The following TXNL4A variants were observed in gnomAD, a reference collection of about 807,000 sequenced individuals.
The protein encoded by TXNL4A is thioredoxin-like protein 4A.
A neutral mutation model predicts 14.6 loss-of-function variants in TXNL4A; 17 were observed. The ratio of observed to expected loss-of-function variants is 1.16; its 90% confidence interval spans 0.80 to 1.74. TXNL4A has a LOEUF of 1.74. Ranked by LOEUF, TXNL4A falls within the 40% of genes most tolerant of loss-of-function variation. The probability of loss-of-function intolerance (pLI) is 0.00; values close to 1 mark genes in which losing one functional copy is unlikely to be tolerated. For synonymous variants in TXNL4A, 83 were observed against 70.6 expected (o/e 1.18, Z -0.88); for missense variants, 74 against 195.2 (o/e 0.38, Z 3.70).
At chr18:80,018,797 T>C (rs2051829375) in intron 1 of TXNL4A, among the ~76,000 whole-genome samples, 2 of 152,216 alleles carry the variant, frequency 1.3e-5, no homozygotes, top group African/African-American at 4.8e-5. Flanking sequence ...TTTTGAATGC[T>C]TTGCTTAGAA....
chr18:80,012,341 G>T (rs2051775588), intron 1 of TXNL4A, among the ~76,000 whole-genome samples: 1 of 152,166 alleles, frequency 6.6e-6, no homozygotes, highest in Admixed American at 6.5e-5. Context: ...TTTGGTATGT[G>T]TGAGAGAATG....
Position 80,011,251 on chromosome 18 carries a change from T to C in TXNL4A, c.-61+22600A>G, listed in dbSNP as rs2051768010. ...AAGACTCGAATTTATTAAAAAGGGA[T>C]TGTAGCCAACTGGGACGGGAGTTTG... On this transcript the variant is annotated intron_variant, in intron 1 of 2. Transcript: ENST00000585474. This position sits in a 1 kb window ranked among gnomAD's most constrained non-coding sequence, Gnocchi z 4.1. Among the ~76,000 whole-genome samples, 1 of 152,156 alleles carries C rather than the reference T, an allele frequency of 6.6e-6. No individual in the cohort carries two copies. The highest frequency in any genetic ancestry group is 1.5e-5 in the Non-Finnish European group (1 of 68,024).
chr18:80,000,121 T>G (rs1173186270), intron 1 of TXNL4A, among the ~76,000 whole-genome samples: 2 of 152,112 alleles, frequency 1.3e-5, no homozygotes, highest in Non-Finnish European at 2.9e-5. Flanking sequence ...TGTGGTGGTG[T>G]TGTAAAGATA....
intron 1 of TXNL4A, among the ~76,000 whole-genome samples, chr18:80,010,515 G>A (rs770068875): frequency 8.5e-5 from 13 of 152,164 alleles, no homozygotes; most frequent in South Asian, 2.1e-4. Flanking sequence ...GAGGGCAGAC[G>A]TACAGTCCAA....
intron 1 of TXNL4A, 109 bp from the exon 2 acceptor site, chr18:79,977,810 T>C: frequency 1.4e-6 from 1 of 719,098 alleles, no homozygotes. Flanking sequence ...ATCAGGGCAA[T>C]TTTTGTTTTG....
intron 1 of TXNL4A, chr18:79,994,950 C>A (rs979850683): frequency 6.6e-5 from 10 of 152,248 alleles, no homozygotes; most frequent in Non-Finnish European, 1.0e-4. Context: ...CCTGCCGATT[C>A]TCTGGTATCG....
chr18:80,022,629 T>C (rs2051857362), intron 1 of TXNL4A, among the ~76,000 whole-genome samples: 1 of 152,204 alleles, frequency 6.6e-6, no homozygotes, highest in African/African-American at 2.4e-5. Context: ...TGATTTAGAA[T>C]GCACTCAAGG....
intron 1 of TXNL4A, among the ~76,000 whole-genome samples, chr18:80,024,762 C>G (rs1306425362): frequency 1.3e-5 from 2 of 152,178 alleles, no homozygotes; most frequent in African/African-American, 4.8e-5. Flanking sequence ...ACCCGTCCTG[C>G]AACTTGAGCC....
chr18:80,030,590 C>G (rs923537687), intron 1 of TXNL4A: 2 of 152,186 alleles, frequency 1.3e-5, no homozygotes, highest in Non-Finnish European at 2.9e-5. Flanking sequence ...GGATAGAATA[C>G]CAAAAATTTA....
At chr18:80,027,131 T>C (rs539460302) in intron 1 of TXNL4A, among the ~76,000 whole-genome samples, 2 of 152,228 alleles carry the variant, frequency 1.3e-5, no homozygotes, top group East Asian at 3.9e-4. Flanking sequence ...AGGGAAAATA[T>C]TCTCAGCCAT....
At position 80,019,140 on chromosome 18, in the gene TXNL4A, T is replaced by A. The variant is rs531672009; in HGVS notation, c.-61+14711A>T. Among the ~76,000 whole-genome samples, 4 of 152,322 alleles carry A rather than the reference T, an allele frequency of 2.6e-5. No homozygotes were observed. In the East Asian group the frequency reaches 5.8e-4, roughly 22 times the overall value. On this transcript the variant is annotated intron_variant, in intron 1 of 2. Transcript: ENST00000585474. The stretch of plus-strand genomic sequence containing the variant: ...AAAGTCACTTCTGCATTTTCGGATA[T>A]CTTCTCAGCAACACCCGACTCTACT...
Position 79,988,520 on chromosome 18 carries a change from C to G in TXNL4A, c.-128G>C. 9.6e-7 allele frequency: 1 copy of G among 1,044,768 alleles called. No homozygotes were observed. Among genetic ancestry groups the G allele is most frequent in the East Asian group, 3.4e-5 (1 of 29,020 alleles). The allele number at this position is 1,044,768 out of a possible 1,614,324, so 64.7% of individuals were successfully genotyped here. A position where few individuals can be genotyped will look rare whatever the true frequency, so the allele number is the denominator to read the frequency against. On this transcript the variant is annotated 5_prime_UTR_variant, in exon 1 of 3. Coordinates refer to ENST00000269601, the MANE Select transcript of TXNL4A (RefSeq NM_006701.5). ...CCCACGGACGAAATCCGGTCCCGCC[C>G]GCACACGCAAACTCCGCTGGGACTG...
In TXNL4A at chr18:80,011,152, G is replaced by C. The variant is rs999241060; in HGVS notation, c.-61+22699C>G. Reference sequence around the variant, plus strand: ...CAATTTGGGTTATATCATTGAGTATGCAAAGGCCAAACACTAATATAAAAC... The same window carrying C: ...CAATTTGGGTTATATCATTGAGTATCCAAAGGCCAAACACTAATATAAAAC... On this transcript the variant is annotated intron_variant, in intron 1 of 2. Coordinates refer to the TXNL4A transcript ENST00000585474. The surrounding 1 kb of genome is among the most constrained non-coding windows in gnomAD (Gnocchi z 4.1). Among the ~76,000 whole-genome samples, 2 of 152,144 alleles carry C rather than the reference G, an allele frequency of 1.3e-5. No homozygotes were observed. Among genetic ancestry groups the C allele is most frequent in the Non-Finnish European group, 2.9e-5 (2 of 68,020 alleles).
At chr18:79,996,498 C>T (rs559610299) in intron 1 of TXNL4A, among the ~76,000 whole-genome samples, 4 of 152,326 alleles carry the variant, frequency 2.6e-5, no homozygotes, top group Admixed American at 6.5e-5. Context: ...TGACATGCTC[C>T]GTTGGTCCCA....
chr18:79,977,795 T>C, intron 1 of TXNL4A, 94 bp from the exon 2 acceptor site: 1 of 878,522 alleles, frequency 1.1e-6, no homozygotes, highest in East Asian at 2.5e-5. Flanking sequence ...CAAGAATTTG[T>C]GTGGATCAGG....
intron 1 of TXNL4A, among the ~76,000 whole-genome samples, chr18:79,998,328 T>A (rs947595275): frequency 6.6e-6 from 1 of 151,966 alleles, no homozygotes; most frequent in Non-Finnish European, 1.5e-5. Flanking sequence ...GATACCAAAT[T>A]TCTTCCTTAT....
At chr18:80,023,833 G>A (rs2051865953) in intron 1 of TXNL4A, among the ~76,000 whole-genome samples, 2 of 152,178 alleles carry the variant, frequency 1.3e-5, no homozygotes, top group African/African-American at 4.8e-5. Flanking sequence ...TCAGTATTCT[G>A]TGCTTCTCAA....
At chr18:79,985,458 G>T (rs1171098935) in intron 1 of TXNL4A, among the ~76,000 whole-genome samples, 1 of 151,826 alleles carries the variant, frequency 6.6e-6, no homozygotes, top group Non-Finnish European at 1.5e-5. Context: ...TCACCATGTT[G>T]CCCGGGCTGT....
Position 79,988,475 on chromosome 18 carries a change from CGGCCCCCGCCGCCCCCG to C in TXNL4A, c.-100_-84del. 1 of 1,242,046 alleles carries C rather than the reference CGGCCCCCGCCGCCCCCG, an allele frequency of 8.1e-7. No individual in the cohort carries two copies. Among genetic ancestry groups the C allele is most frequent in the Non-Finnish European group, 1.0e-6 (1 of 986,574 alleles). The allele number at this position is 1,242,046 out of a possible 1,614,324, so 76.9% of individuals were successfully genotyped here. A position where few individuals can be genotyped will look rare whatever the true frequency, so the allele number is the denominator to read the frequency against. ...TGGGCTCAGCCGGCCCCTCACTCCC[CGGCCCCCGCCGCCCCCG>C]GGCCCACGGACGAAATCCGGTCCCG... On this transcript the variant is annotated 5_prime_UTR_variant, in exon 1 of 3. Transcript: ENST00000269601.
Sources: gnomAD v4.1 joint callset for allele counts (sites outside exome capture counted in the v4.1 genomes callset) on GRCh38, gnomAD v4.1.1 for gene constraint, Gnocchi (gnomAD v3.1) non-coding constraint, MANE v1.5 for transcripts, NCBI Gene and HGNC (gene_info 2026-07-23, HGNC 2026-07-21) for gene names.